Variants in MUSK observed in about 807,000 individuals in gnomAD.
MUSK encodes the protein muscle associated receptor tyrosine kinase, also known as muscle, skeletal receptor tyrosine-protein kinase.
In MUSK, 55 loss-of-function variants were observed where a neutral mutation model predicts 88.7. The ratio of observed to expected loss-of-function variants is 0.62; its 90% confidence interval spans 0.50 to 0.78. The LOEUF is 0.78. Among genes scored for constraint, MUSK ranks in the 30% least tolerant of loss-of-function variants. The probability of loss-of-function intolerance (pLI) is 0.00; values close to 1 mark genes in which losing one functional copy is unlikely to be tolerated. For synonymous variants in MUSK, 387 were observed against 391.9 expected, an observed-to-expected ratio of 0.99 and a Z score of 0.15; for missense variants, 1,015 against 1,074.3, an observed-to-expected ratio of 0.94 and a Z score of 0.77.
chr9:110,742,172 C>A (rs568219910), intron 6 of MUSK, among the ~76,000 whole-genome samples: 2 of 152,180 alleles, frequency 1.3e-5, no homozygotes, highest in South Asian at 4.2e-4. Flanking sequence ...AATTTGGAGA[C>A]TGGGCCGGGT....
intron 1 of MUSK, among the ~76,000 whole-genome samples, chr9:110,675,113 C>T (rs2076007278): frequency 1.3e-5 from 2 of 151,788 alleles, no homozygotes; most frequent in Admixed American, 6.6e-5. Flanking sequence ...ACATTATCTC[C>T]GTCTATAGCT....
At chr9:110,767,694 C>T (rs973284829) in intron 8 of MUSK, 126 bp from the exon 9 acceptor site, 1 of 1,026,540 alleles carries the variant, frequency 9.7e-7, no homozygotes, top group Admixed American at 1.9e-5. Flanking sequence ...GCGTGTCAAC[C>T]AATTTACTAG....
At chr9:110,713,537 G>T (rs1003421783) in intron 5 of MUSK, among the ~76,000 whole-genome samples, 11 of 152,120 alleles carry the variant, frequency 7.2e-5, no homozygotes, top group Non-Finnish European at 1.3e-4. Flanking sequence ...TAGGATTACA[G>T]GTGTGAGCCA....
intron 14 of MUSK, among the ~76,000 whole-genome samples, chr9:110,800,077 A>G (rs559499764): frequency 6.6e-6 from 1 of 152,318 alleles, no homozygotes; most frequent in African/African-American, 2.4e-5. Context: ...GGAAGTCCTC[A>G]AAAACTTTAG....
chr9:110,749,131 A>G (rs780698774), intron 7 of MUSK, among the ~76,000 whole-genome samples: 9 of 152,248 alleles, frequency 5.9e-5, no homozygotes, highest in Non-Finnish European at 1.2e-4. Context: ...GCACTTTTAC[A>G]TGCATTTATC....
chr9:110,679,779 CTTCT>C (rs10616510), intron 1 of MUSK, among the ~76,000 whole-genome samples: 38,292 of 150,546 alleles, frequency 0.25, 6,517 homozygotes, highest in African/African-American at 0.48. Flanking sequence ...ACCATAGATG[CTTCT>C]TTCTGTTTGA....
At chr9:110,730,899 C>A (rs1201721326) in intron 5 of MUSK, among the ~76,000 whole-genome samples, 1 of 151,564 alleles carries the variant, frequency 6.6e-6, no homozygotes, top group Non-Finnish European at 1.5e-5. Context: ...CCTCCCCACC[C>A]CACTCTTTCC....
intron 13 of MUSK, 63 bp downstream of exon 13, chr9:110,785,781 C>T (rs1265559121): frequency 2.9e-5 from 36 of 1,227,756 alleles, no homozygotes; most frequent in Non-Finnish European, 3.9e-5. Flanking sequence ...AGCTACCAAA[C>T]TATTAGCTTG....
At chr9:110,788,434 C>G (rs1378180796) in intron 14 of MUSK, among the ~76,000 whole-genome samples, 2 of 151,810 alleles carry the variant, frequency 1.3e-5, no homozygotes, top group Non-Finnish European at 2.9e-5. Context: ...GAGTTTGACA[C>G]CAGCCTGGCG....
At chr9:110,775,384 C>T (rs773314547) in intron 9 of MUSK, 1 of 237,070 alleles carries the variant, frequency 4.2e-6, no homozygotes, top group South Asian at 5.6e-5. Flanking sequence ...AAAAATCTTC[C>T]AAGCTGGAAA....
At chr9:110,769,920 G>A (rs1297151904) in intron 9 of MUSK, among the ~76,000 whole-genome samples, 1 of 152,018 alleles carries the variant, frequency 6.6e-6, no homozygotes, top group Non-Finnish European at 1.5e-5. Context: ...CTCTGTGTGT[G>A]TGACAGCCAT....
intron 5 of MUSK, chr9:110,728,630 T>G: frequency 9.3e-7 from 1 of 1,080,112 alleles, no homozygotes; most frequent in South Asian, 1.3e-5. Context: ...TTTCATGATG[T>G]GTTGTTTTGT....
chr9:110,726,405 A>G (rs1320486515), intron 5 of MUSK, among the ~76,000 whole-genome samples: 1 of 152,122 alleles, frequency 6.6e-6, no homozygotes, highest in Non-Finnish European at 1.5e-5. Context: ...GAAAATTAAT[A>G]TTATCTAAAA....
intron 2 of MUSK, among the ~76,000 whole-genome samples, chr9:110,684,804 G>T (rs961387149): frequency 6.6e-6 from 1 of 151,954 alleles, no homozygotes. Context: ...AAATGTTACT[G>T]ATTTTTGTAC....
At chr9:110,719,252 A>G (rs940050772) in intron 5 of MUSK, among the ~76,000 whole-genome samples, 2 of 152,112 alleles carry the variant, frequency 1.3e-5, no homozygotes, top group African/African-American at 2.4e-5. Context: ...CTAACGTGGA[A>G]TGTAAATGGC....
rs991800772 is a variant in MUSK, at chr9:110,797,615, A to G, written c.1928-2691A>G. Among the ~76,000 whole-genome samples, 56 of 152,312 alleles carry G rather than the reference A, an allele frequency of 3.7e-4. 1 individual carries two copies. Among genetic ancestry groups the G allele is most frequent in the African/African-American group, 1.3e-3 (55 of 41,582 alleles). Reference sequence around the variant, plus strand: ...CTGGCACATTGTAGGCACTCTATAAATATTTGTTCAATAAATGAATAAACG... The same window carrying G: ...CTGGCACATTGTAGGCACTCTATAAGTATTTGTTCAATAAATGAATAAACG... On this transcript the variant is annotated intron_variant, in intron 14 of 14. Transcript: ENST00000374448.
In MUSK at chr9:110,697,483, C is replaced by T; in HGVS notation, c.628+17C>T. 6.2e-7 allele frequency: 1 copy of T among 1,603,632 alleles called. No individual in the cohort carries two copies. Among genetic ancestry groups the T allele is most frequent in the Non-Finnish European group, 8.5e-7 (1 of 1,174,242 alleles). On this transcript the variant is annotated intron_variant, in intron 5 of 14. Coordinates refer to ENST00000374448, the MANE Select transcript of MUSK (RefSeq NM_005592.4). ...AAGTTGAGGGTAAGGAGCTGCATTT[C>T]TTCCCCTGACTGTGTGACCAGGGGC...
At chr9:110,694,538 G>C (rs1284859450) in intron 3 of MUSK, among the ~76,000 whole-genome samples, 4 of 151,822 alleles carry the variant, frequency 2.6e-5, no homozygotes, top group Non-Finnish European at 5.9e-5. Flanking sequence ...GCGTTCCTTT[G>C]TCAAAATAAC....
chr9:110,786,141 T>C (rs2077857466), intron 13 of MUSK, among the ~76,000 whole-genome samples: 1 of 150,500 alleles, frequency 6.6e-6, no homozygotes, highest in African/African-American at 2.4e-5. Flanking sequence ...CGAAACCCCG[T>C]CTCTACTAAA....
Sources: gnomAD v4.1 joint callset for allele counts (sites outside exome capture counted in the v4.1 genomes callset) on GRCh38, gnomAD v4.1.1 for gene constraint, MANE v1.5 for transcripts, NCBI Gene and HGNC (gene_info 2026-07-23, HGNC 2026-07-21) for gene names.